The following RIMS2 variants were observed in gnomAD, a reference collection of about 807,000 sequenced individuals.
RIMS2 encodes regulating synaptic membrane exocytosis 2, also known as regulating synaptic membrane exocytosis protein 2.
A neutral mutation model predicts 174.4 loss-of-function variants in RIMS2; 59 were observed. That is an observed-to-expected ratio of 0.34 (90% CI 0.27 to 0.42). The LOEUF (loss-of-function observed/expected upper bound fraction) is 0.42, where lower values mean the gene tolerates loss of function less well. RIMS2 is among the 10% of genes least tolerant of loss of function. The pLI is 1.00. For synonymous variants in RIMS2, 606 were observed against 572.5 expected, an observed-to-expected ratio of 1.06 and a Z score of -0.84; for missense variants, 1,620 against 1,666.3, an observed-to-expected ratio of 0.97 and a Z score of 0.48.
At chr8:103,789,909 T>A (rs2154442305) in intron 3 of RIMS2, among the ~76,000 whole-genome samples, 1 of 152,032 alleles carries the variant, frequency 6.6e-6, no homozygotes, top group Non-Finnish European at 1.5e-5. Context: ...TGTGCTACCA[T>A]GTCCAGATAT....
At chr8:103,875,096 A>G (rs1363368100) in intron 3 of RIMS2, among the ~76,000 whole-genome samples, 1 of 152,108 alleles carries the variant, frequency 6.6e-6, no homozygotes, top group Non-Finnish European at 1.5e-5. Flanking sequence ...CTTCAAGAGC[A>G]GAATTATTAA....
At chr8:103,563,155 C>T (rs1444175371) in intron 1 of RIMS2, among the ~76,000 whole-genome samples, 3 of 152,230 alleles carry the variant, frequency 2.0e-5, no homozygotes, top group Non-Finnish European at 4.4e-5. Flanking sequence ...ACATTCAGCT[C>T]CCTGTTACTT....
chr8:103,933,321 A>G (rs918547732), intron 12 of RIMS2, among the ~76,000 whole-genome samples: 2 of 115,040 alleles, frequency 1.7e-5, no homozygotes. Context: ...ACACACACAC[A>G]CACACACACA....
intron 2 of RIMS2, among the ~76,000 whole-genome samples, chr8:103,725,586 T>C (rs2097518633): frequency 6.6e-6 from 1 of 152,130 alleles, no homozygotes; most frequent in African/African-American, 2.4e-5. Context: ...TACTTTATTA[T>C]ATGAATATGC....
chr8:103,938,524 G>C (rs183891781), intron 13 of RIMS2, among the ~76,000 whole-genome samples: 1 of 152,098 alleles, frequency 6.6e-6, no homozygotes, highest in Non-Finnish European at 1.5e-5. Context: ...AATTCAAGAG[G>C]AGATTTGGGT....
chr8:104,026,788 A>G (rs2096267269), intron 19 of RIMS2, among the ~76,000 whole-genome samples: 2 of 152,178 alleles, frequency 1.3e-5, no homozygotes, highest in Non-Finnish European at 1.5e-5. Flanking sequence ...GACAGGATAC[A>G]ACAGTGATGA....
intron 14 of RIMS2, among the ~76,000 whole-genome samples, chr8:103,954,773 A>G (rs930661837): frequency 6.6e-6 from 1 of 152,186 alleles, no homozygotes; most frequent in African/African-American, 2.4e-5. Flanking sequence ...TGAAGGAGAC[A>G]GAGACACGAA....
At chr8:103,553,374 C>T (rs1456747147) in intron 1 of RIMS2, among the ~76,000 whole-genome samples, 4 of 151,952 alleles carry the variant, frequency 2.6e-5, no homozygotes, top group Non-Finnish European at 5.9e-5. Context: ...CATGTTCTCA[C>T]TCATAGGTGG....
chr8:103,646,665 C>T (rs1173715406), intron 1 of RIMS2, among the ~76,000 whole-genome samples: 1 of 152,032 alleles, frequency 6.6e-6, no homozygotes, highest in African/African-American at 2.4e-5. Flanking sequence ...TTTTCTCTTC[C>T]TGTGTTAGTT....
chr8:103,670,292 T>C (rs1182722059), intron 1 of RIMS2, among the ~76,000 whole-genome samples: 1 of 152,176 alleles, frequency 6.6e-6, no homozygotes, highest in Non-Finnish European at 1.5e-5. Context: ...CAAAACCATT[T>C]TTTTCCTCCT....
chr8:103,831,301 C>T (rs1411813760), intron 3 of RIMS2, among the ~76,000 whole-genome samples: 2 of 152,216 alleles, frequency 1.3e-5, no homozygotes, highest in East Asian at 3.9e-4. Flanking sequence ...AAGACACATA[C>T]CAAAGTAAAG....
At chr8:103,711,741 C>T (rs779265745) in intron 2 of RIMS2, among the ~76,000 whole-genome samples, 6 of 151,810 alleles carry the variant, frequency 4.0e-5, no homozygotes, top group Non-Finnish European at 8.8e-5. Flanking sequence ...ACCAAAAATA[C>T]AAAAAATTAG....
chr8:104,014,682 C>A, intron 19 of RIMS2, 67 bp downstream of exon 21: 1 of 887,060 alleles, frequency 1.1e-6, no homozygotes, highest in East Asian at 2.5e-5. Context: ...TCAAGATTTT[C>A]TTATTACCTT....
chr8:103,803,026 A>G (rs945261991), intron 3 of RIMS2, among the ~76,000 whole-genome samples: 1 of 152,122 alleles, frequency 6.6e-6, no homozygotes, highest in African/African-American at 2.4e-5. Context: ...ATTGAAGCAT[A>G]TGTACTTATA....
chr8:103,940,012 C>T (rs1286864950), intron 13 of RIMS2, among the ~76,000 whole-genome samples: 1 of 152,208 alleles, frequency 6.6e-6, no homozygotes, highest in Non-Finnish European at 1.5e-5. Context: ...AACTTTCCTA[C>T]ATTTTCCTGT....
chr8:104,072,299 A>T (rs2097209698), intron 19 of RIMS2, among the ~76,000 whole-genome samples: 1 of 151,988 alleles, frequency 6.6e-6, no homozygotes, highest in African/African-American at 2.4e-5. Context: ...CTCTTTTTTG[A>T]TGAGGGCTAT....
At chr8:103,818,578 G>C (rs2098732570) in intron 3 of RIMS2, among the ~76,000 whole-genome samples, 2 of 152,078 alleles carry the variant, frequency 1.3e-5, no homozygotes, top group African/African-American at 4.8e-5. Context: ...AGTGTCTCTG[G>C]CCTTGACTGT....
intron 19 of RIMS2, among the ~76,000 whole-genome samples, chr8:104,221,842 T>C (rs970820860): frequency 5.3e-5 from 8 of 152,248 alleles, no homozygotes; most frequent in African/African-American, 1.9e-4. Context: ...ACAAAGTCCT[T>C]ATCATACCTA....
chr8:103,842,096 G>A (rs2098943393), intron 3 of RIMS2, among the ~76,000 whole-genome samples: 1 of 152,108 alleles, frequency 6.6e-6, no homozygotes, highest in Non-Finnish European at 1.5e-5. Flanking sequence ...TGAGATTATG[G>A]TAATCAGAAG....
Sources: allele counts gnomAD v4.1 joint callset (sites outside exome capture counted in the v4.1 genomes callset), GRCh38; gene constraint gnomAD v4.1.1; transcripts MANE v1.5; gene names NCBI Gene and HGNC (gene_info 2026-07-23, HGNC 2026-07-21).